Variants in KIRREL3 observed in about 807,000 individuals in gnomAD.
The protein encoded by KIRREL3 is kirre like nephrin family adhesion molecule 3, also known as kin of IRRE-like protein 3.
KIRREL3 carries 36 observed loss-of-function variants against 89.7 expected under a neutral mutation model. The ratio of observed to expected loss-of-function variants is 0.40; its 90% CI spans 0.31 to 0.53. The LOEUF is 0.53. Among genes scored for constraint, KIRREL3 ranks in the 20% least tolerant of loss-of-function variants. The pLI, the probability that KIRREL3 is intolerant of heterozygous loss-of-function variation, is 0.49. For synonymous variants in KIRREL3, 445 were observed against 441.4 expected, an observed-to-expected ratio of 1.01 and a Z score of -0.10; for missense variants, 864 against 1,056.6, an observed-to-expected ratio of 0.82 and a Z score of 2.53.
intron 1 of KIRREL3, among the ~76,000 whole-genome samples, chr11:126,832,857 TTGGTG>T (rs1943656141): frequency 6.6e-6 from 1 of 152,178 alleles, no homozygotes; most frequent in Non-Finnish European, 1.5e-5. Context: ...GTGTTTCTGT[TTGGTG>T]TGCAGACGGC....
intron 1 of KIRREL3, among the ~76,000 whole-genome samples, chr11:126,975,938 C>CCCTCCCTCCCTCCCTCCCTG (rs767405296): frequency 9.6e-6 from 1 of 104,300 alleles, no homozygotes. Context: ...CTCCCTCCCT[C>CCCTCCCTCCCTCCCTCCCTG]CCTTCCTTCC....
chr11:126,596,429 G>A (rs1442306180), intron 1 of KIRREL3, among the ~76,000 whole-genome samples: 1 of 152,226 alleles, frequency 6.6e-6, no homozygotes, highest in African/African-American at 2.4e-5. Context: ...ATGTCACACA[G>A]CCAGTTAGTG....
intron 1 of KIRREL3, among the ~76,000 whole-genome samples, chr11:126,871,143 C>A (rs534368680): frequency 3.3e-5 from 5 of 152,318 alleles, no homozygotes; most frequent in Admixed American, 6.5e-5. Flanking sequence ...CGGTGTACTG[C>A]CACTCAAAGC....
intron 1 of KIRREL3, among the ~76,000 whole-genome samples, chr11:126,779,364 G>A (rs899921953): frequency 2.6e-5 from 4 of 152,240 alleles, no homozygotes; most frequent in Admixed American, 2.6e-4. Flanking sequence ...ACCCAGCACA[G>A]GGCATTCTCT....
intron 1 of KIRREL3, among the ~76,000 whole-genome samples, chr11:126,927,189 A>C (rs1242590614): frequency 4.6e-5 from 7 of 152,218 alleles, no homozygotes; most frequent in Non-Finnish European, 8.8e-5. Flanking sequence ...GACTGAAATG[A>C]AAAGCTCCCA....
chr11:126,733,500 T>C (rs965060173), intron 1 of KIRREL3, among the ~76,000 whole-genome samples: 1 of 151,132 alleles, frequency 6.6e-6, no homozygotes, highest in African/African-American at 2.4e-5. Flanking sequence ...CTCTGAGCTG[T>C]CACTTGCTAT....
At chr11:126,604,657 T>C (rs1399842743) in intron 1 of KIRREL3, among the ~76,000 whole-genome samples, 1 of 152,178 alleles carries the variant, frequency 6.6e-6, no homozygotes, top group Non-Finnish European at 1.5e-5. Flanking sequence ...GGGTGGGTGT[T>C]CACAGCACAC....
In KIRREL3 at chr11:126,943,727, G is replaced by A. The variant is rs1777306297; in HGVS notation, c.55+56728C>T. 6.6e-6 allele frequency among the ~76,000 whole-genome samples: 1 copy of A among 152,148 alleles called. No individual in the cohort carries two copies. The highest frequency in any genetic ancestry group is 1.5e-5 in the Non-Finnish European group (1 of 68,036). On this transcript the variant is annotated intron_variant, in intron 1 of 16. Transcript: ENST00000525144. The surrounding 1 kb of genome is among the most constrained non-coding windows in gnomAD (Gnocchi z 4.2). Reference sequence around the variant, plus strand: ...CTTTGCCTCCAGGGAGGCATTAAAGGGCCACCTCCTATAGTGAAAGGAAGG... The same window carrying A: ...CTTTGCCTCCAGGGAGGCATTAAAGAGCCACCTCCTATAGTGAAAGGAAGG...
chr11:126,721,699 T>A (rs1194089305), intron 1 of KIRREL3, among the ~76,000 whole-genome samples: 1 of 152,158 alleles, frequency 6.6e-6, no homozygotes, highest in Non-Finnish European at 1.5e-5. Context: ...CAGAGAGAAG[T>A]CAGGGGATGA....
intron 1 of KIRREL3, among the ~76,000 whole-genome samples, chr11:126,939,667 A>G (rs1055161873): frequency 6.6e-6 from 1 of 152,126 alleles, no homozygotes; most frequent in Admixed American, 6.5e-5. Context: ...AGGAGCAAGC[A>G]TCTCCCCTTC....
chr11:126,657,878 G>A (rs116882858), intron 1 of KIRREL3, among the ~76,000 whole-genome samples: 6,645 of 152,220 alleles, frequency 0.044, 178 homozygotes, highest in Non-Finnish European at 0.047. Context: ...CTATCTACCG[G>A]AAGAGACAAG....
intron 1 of KIRREL3, among the ~76,000 whole-genome samples, chr11:126,806,177 G>A (rs1592153570): frequency 6.6e-6 from 1 of 152,196 alleles, no homozygotes; most frequent in African/African-American, 2.4e-5. Context: ...GAAAGCTATT[G>A]TCTTGATTTT....
At chr11:126,460,423 A>T (rs1404513997) in intron 6 of KIRREL3, among the ~76,000 whole-genome samples, 1 of 152,166 alleles carries the variant, frequency 6.6e-6, no homozygotes, top group African/African-American at 2.4e-5. Flanking sequence ...ACAGAGGAGG[A>T]AATCGGGGCA....
Position 126,428,647 on chromosome 11 carries a change from TTTGTTGTTG to T in KIRREL3, c.1806+523_1806+531del, listed in dbSNP as rs942199163. Reference sequence around the variant, plus strand: ...GGCTCTCTGAAGGGTAGACTGCATTTTTGTTGTTGTTGTTGTTTTGAGATGGAGTCTCGC... The same window carrying T: ...GGCTCTCTGAAGGGTAGACTGCATTTTTGTTGTTTTGAGATGGAGTCTCGC... On this transcript the variant is annotated intron_variant, in intron 15 of 16. Transcript: ENST00000525144. The surrounding 1 kb of genome is among the most constrained non-coding windows in gnomAD (Gnocchi z 6.4). 6.6e-6 allele frequency among the ~76,000 whole-genome samples: 1 copy of T among 152,008 alleles called. No individual in the cohort carries two copies.
At chr11:126,816,959 A>G (rs1951593542) in intron 1 of KIRREL3, among the ~76,000 whole-genome samples, 1 of 152,212 alleles carries the variant, frequency 6.6e-6, no homozygotes, top group South Asian at 2.1e-4. Flanking sequence ...AGCCTTGTTA[A>G]ACAAATGTAG....
At chr11:126,533,438 A>G (rs1959003057) in intron 2 of KIRREL3, among the ~76,000 whole-genome samples, 2 of 152,202 alleles carry the variant, frequency 1.3e-5, no homozygotes, top group Admixed American at 1.3e-4. Flanking sequence ...AGAATAATGT[A>G]CACTAGCTCA....
rs1947478233 is a variant in KIRREL3, at chr11:126,705,175, C to T, written c.56-142263G>A. Among the ~76,000 whole-genome samples, 1 of 152,246 alleles carries T rather than the reference C, an allele frequency of 6.6e-6. No individual in the cohort carries two copies. The highest frequency in any genetic ancestry group is 1.9e-4 in the East Asian group (1 of 5,186). On this transcript the variant is annotated intron_variant, in intron 1 of 16. Coordinates refer to ENST00000525144, the MANE Select transcript of KIRREL3 (RefSeq NM_032531.4). This position sits in a 1 kb window ranked among gnomAD's most constrained non-coding sequence, Gnocchi z 4.3. ...GATGTCAGTCCTTTTCTACTCGTGC[C>T]AAAATTATAAACAGTTTATTTGCAT...
At position 126,805,065 on chromosome 11, in the gene KIRREL3, G is replaced by A. The variant is rs533093146; in HGVS notation, c.55+195390C>T. On this transcript the variant is annotated intron_variant, in intron 1 of 16. Transcript: ENST00000525144. This position sits in a 1 kb window ranked among gnomAD's most constrained non-coding sequence, Gnocchi z 4.3. ...AGTTCATAGGGTCTGAGGAGTTTTA[G>A]CAGGTGTGTGGTAACCTGCAATGTT... Among the ~76,000 whole-genome samples, 2 of 152,172 alleles carry A rather than the reference G, an allele frequency of 1.3e-5. No individual in the cohort carries two copies. The highest frequency in any genetic ancestry group is 2.9e-5 in the Non-Finnish European group (2 of 68,020).
intron 1 of KIRREL3, among the ~76,000 whole-genome samples, chr11:126,929,952 C>A (rs999873778): frequency 2.1e-5 from 3 of 142,046 alleles, no homozygotes; most frequent in Admixed American, 7.4e-5. Context: ...GGAGCCACCC[C>A]CCCCCCCCCA....
Sources: gnomAD v4.1 joint callset for allele counts (sites outside exome capture counted in the v4.1 genomes callset) on GRCh38, gnomAD v4.1.1 for gene constraint, Gnocchi (gnomAD v3.1) non-coding constraint, MANE v1.5 for transcripts, NCBI Gene and HGNC (gene_info 2026-07-23, HGNC 2026-07-21) for gene names.